SV2C: variants seen among roughly 807,000 people sequenced by gnomAD.
SV2C encodes the protein synaptic vesicle glycoprotein 2C, also known as solute carrier family 22 member B3.
SV2C carries 49 observed loss-of-function variants against 79.7 expected under a neutral mutation model. The observed-to-expected ratio is 0.61, with a 90% CI of 0.49 to 0.78. The LOEUF (loss-of-function observed/expected upper bound fraction) is 0.78. Among genes scored for constraint, SV2C ranks in the 30% least tolerant of loss-of-function variants. SV2C has a pLI of 0.00. For missense variants in SV2C, 833 were observed against 912.9 expected, an observed-to-expected ratio of 0.91 and a Z score of 1.13; for synonymous variants, 334 against 333.2, an observed-to-expected ratio of 1.00 and a Z score of -0.03.
chr5:75,889,194 G>A, the SV2C span, among the ~76,000 whole-genome samples: 52 of 152,006 alleles, frequency 3.4e-4, no homozygotes, highest in East Asian at 1.7e-3. Flanking sequence ...CTATCAACTC[G>A]TCAGGTTTTA....
chr5:76,190,166 G>A (rs1188516211), intron 2 of SV2C, among the ~76,000 whole-genome samples: 1 of 152,198 alleles, frequency 6.6e-6, no homozygotes, highest in Non-Finnish European at 1.5e-5. Flanking sequence ...GCCAACTGAT[G>A]TTAAAGGGAA....
intron 4 of SV2C, among the ~76,000 whole-genome samples, chr5:76,271,616 C>CTTTTTTTTTTTTTTTTT (rs34458409): frequency 1.4e-4 from 13 of 96,062 alleles, no homozygotes; most frequent in South Asian, 3.6e-4. Context: ...AGCATGTGTT[C>CTTTTTTTTTTTTTTTTT]TTTTTTTTTT....
At chr5:76,187,071 A>G (rs941518929) in intron 2 of SV2C, among the ~76,000 whole-genome samples, 1 of 152,172 alleles carries the variant, frequency 6.6e-6, no homozygotes, top group African/African-American at 2.4e-5. Context: ...TGTTAAACTG[A>G]TATGCGATGT....
At position 76,167,055 on chromosome 5, in the gene SV2C, A is replaced by G. The variant is rs1013558979; in HGVS notation, c.581-27864A>G. Among the ~76,000 whole-genome samples the G allele has an allele frequency of 3.3e-5, 5 of 152,332 alleles. No individual in the cohort carries two copies. In the South Asian group the frequency reaches 8.3e-4, roughly 25 times the overall value. On this transcript the variant is annotated intron_variant, in intron 2 of 12. Transcript: ENST00000502798. ...AGCCCCACTCTTAGCCAGCCCTGAC[A>G]CAATTACATAGTGATCCTCTTCTGC...
the SV2C span, among the ~76,000 whole-genome samples, chr5:76,058,367 G>A: frequency 6.6e-6 from 1 of 152,074 alleles, no homozygotes; most frequent in Non-Finnish European, 1.5e-5. Flanking sequence ...GAAAAAACTT[G>A]TTGCAACACT....
At chr5:75,957,446 C>A in the SV2C span, among the ~76,000 whole-genome samples, 1 of 152,004 alleles carries the variant, frequency 6.6e-6, no homozygotes, top group South Asian at 2.1e-4. Flanking sequence ...TTGGCACAAC[C>A]TTTTGACATG....
In SV2C at chr5:76,339,582, T is replaced by C. The variant is rs201624166; in HGVS notation, c.2001-13548T>C. ...ACAAAAAATTAACTGGGTGTGGTGG[T>C]GGGCACCTGTAGTCCCAGCTACTCA... On this transcript the variant is annotated intron_variant, in intron 12 of 12. Transcript: ENST00000322285. 7.4e-4 allele frequency among the ~76,000 whole-genome samples: 112 copies of C among 152,020 alleles called. No homozygotes were observed. The East Asian group carries it at 7.4e-3, about 10-fold the overall frequency.
intron 5 of SV2C, 47 bp from the exon 6 acceptor site, chr5:76,285,734 G>C (rs1459355796): frequency 1.5e-5 from 23 of 1,528,912 alleles, no homozygotes; most frequent in Non-Finnish European, 2.1e-5. Context: ...ATCAGGGAGG[G>C]TAAGTGTGTC....
At chr5:76,194,002 T>G (rs1399051321) in intron 2 of SV2C, among the ~76,000 whole-genome samples, 13 of 152,200 alleles carry the variant, frequency 8.5e-5, no homozygotes, top group Admixed American at 8.5e-4. Flanking sequence ...GGTTATTGAT[T>G]GAATGCAGAC....
the SV2C span, among the ~76,000 whole-genome samples, chr5:75,847,846 C>T: frequency 6.6e-6 from 1 of 152,168 alleles, no homozygotes; most frequent in Non-Finnish European, 1.5e-5. Context: ...ACTCTCTGAA[C>T]TCCACCTATG....
At chr5:76,000,553 G>A in the SV2C span, among the ~76,000 whole-genome samples, 1 of 152,170 alleles carries the variant, frequency 6.6e-6, no homozygotes, top group East Asian at 1.9e-4. Flanking sequence ...AATTCGAGAA[G>A]CCCTGCTCTA....
At chr5:75,853,607 CAAAAA>C in the SV2C span, among the ~76,000 whole-genome samples, 181 of 28,460 alleles carry the variant, frequency 6.4e-3, no homozygotes, top group Non-Finnish European at 8.4e-3. Flanking sequence ...GACTCCGTCT[CAAAAA>C]AAAAAAAAAA....
At chr5:76,173,056 TA>T (rs202156740) in intron 2 of SV2C, among the ~76,000 whole-genome samples, 1,762 of 89,304 alleles carry the variant, frequency 0.02, 72 homozygotes, top group East Asian at 0.096. Context: ...AAAAATAAAT[TA>T]AAAAAAAATA....
intron 2 of SV2C, among the ~76,000 whole-genome samples, chr5:76,177,093 C>T (rs368235340): frequency 1.5e-4 from 21 of 143,968 alleles, no homozygotes; most frequent in African/African-American, 5.3e-4. Context: ...CCAGCCTGGG[C>T]GACAGAGCGA....
rs1561318697 is a variant in SV2C at position 76,325,653 on chromosome 5, A to C, written c.*106A>C. On this transcript the variant is annotated 3_prime_UTR_variant, in exon 13 of 13. Transcript: ENST00000502798. ...TTCCTATATAGAAAGGTGATCAAGT[A>C]TCAGAACATAAACACGTGCTGTGAC... is the stretch of plus-strand genomic sequence containing the variant. The C allele has an allele frequency of 6.8e-7, 1 of 1,478,358 alleles. No individual in the cohort carries two copies. Among genetic ancestry groups the C allele is most frequent in the African/African-American group, 1.4e-5 (1 of 70,926 alleles). 91.6% of individuals were successfully genotyped at this position (1,478,358 alleles called of 1,614,324 possible).
At chr5:76,152,765 G>T (rs909557755) in intron 2 of SV2C, among the ~76,000 whole-genome samples, 7 of 152,144 alleles carry the variant, frequency 4.6e-5, no homozygotes, top group African/African-American at 1.7e-4. Flanking sequence ...GATCAGTAAA[G>T]AATTCTTCTG....
At chr5:75,879,760 T>A in the SV2C span, among the ~76,000 whole-genome samples, 1 of 152,222 alleles carries the variant, frequency 6.6e-6, no homozygotes. Flanking sequence ...AATGCCCCAG[T>A]GGGGACTCTG....
the SV2C span, among the ~76,000 whole-genome samples, chr5:75,896,612 A>G: frequency 1.3e-5 from 2 of 151,898 alleles, no homozygotes; most frequent in South Asian, 2.1e-4. Context: ...TGGTATTTCT[A>G]GTTCTAGATC....
chr5:75,984,960 C>T, the SV2C span, among the ~76,000 whole-genome samples: 3 of 151,962 alleles, frequency 2.0e-5, no homozygotes, highest in Non-Finnish European at 4.4e-5. Context: ...TGCTTGATTG[C>T]TGTCTTAGTC....
Sources: gnomAD v4.1 joint callset for allele counts (sites outside exome capture counted in the v4.1 genomes callset) on GRCh38, gnomAD v4.1.1 for gene constraint, MANE v1.5 for transcripts, NCBI Gene and HGNC (gene_info 2026-07-23, HGNC 2026-07-21) for gene names.